Variants in MSRA observed in about 807,000 individuals in gnomAD.
The protein encoded by MSRA is methionine sulfoxide reductase A.
Under a neutral mutation model 31.3 loss-of-function variants are expected in MSRA, and 54 were observed. The ratio of observed to expected loss-of-function variants is 1.73; its 90% CI spans 1.39 to 2.17. The LOEUF is 2.17. Ranked by LOEUF, MSRA falls within the 30% of genes most tolerant of loss-of-function variation. MSRA has a pLI of 0.00. For synonymous variants in MSRA, 169 were observed against 116.5 expected, an observed-to-expected ratio of 1.45 and a Z score of -2.90; for missense variants, 507 against 300.9, an observed-to-expected ratio of 1.69 and a Z score of -5.07.
At position 10,207,815 on chromosome 8, in the gene MSRA, CT is replaced by C. The variant is rs77793822; in HGVS notation, c.143-5del. 0.098 allele frequency: 108,095 copies of C among 1,100,422 alleles called. 4 individuals carry two copies. Among genetic ancestry groups the C allele is most frequent in the South Asian group, 0.14 (8,646 of 62,712 alleles). The allele number at this position is 1,100,422 out of a possible 1,614,324, so 68.2% of individuals were successfully genotyped here. On this transcript the variant is annotated splice_polypyrimidine_tract_variant and intron_variant, in intron 1 of 5. Transcript: ENST00000317173. ...GAACTTTACACTTAAACTTGCATTT[CT>C]TTTTTTTTTTTTCTAGCCAAACATC... is the stretch of plus-strand genomic sequence containing the variant.
intron 2 of MSRA, among the ~76,000 whole-genome samples, chr8:10,213,862 T>A (rs962655112): frequency 6.6e-6 from 1 of 152,116 alleles, no homozygotes; most frequent in African/African-American, 2.4e-5. Context: ...GATTGCTGGA[T>A]CTGAAGGTGT....
chr8:10,345,548 G>A (rs144328069), intron 5 of MSRA, among the ~76,000 whole-genome samples: 299 of 152,244 alleles, frequency 2.0e-3, no homozygotes, highest in African/African-American at 6.6e-3. Context: ...AATCAAATAT[G>A]ATTGGAAGAA....
intron 5 of MSRA, among the ~76,000 whole-genome samples, chr8:10,402,224 A>G (rs960707114): frequency 6.6e-6 from 1 of 151,996 alleles, no homozygotes; most frequent in African/African-American, 2.4e-5. Context: ...CCACCTCTAA[A>G]CATTTGGCTA....
At chr8:10,338,725 G>T (rs1803219705) in intron 5 of MSRA, among the ~76,000 whole-genome samples, 3 of 152,208 alleles carry the variant, frequency 2.0e-5, no homozygotes, top group Non-Finnish European at 4.4e-5. Flanking sequence ...AATTCTCCAA[G>T]AAGTGCCACC....
chr8:10,153,101 A>G (rs1331514597), intron 1 of MSRA, among the ~76,000 whole-genome samples: 1 of 152,224 alleles, frequency 6.6e-6, no homozygotes, highest in African/African-American at 2.4e-5. Flanking sequence ...GTGTGAATGT[A>G]CTTACCACTA....
intron 5 of MSRA, among the ~76,000 whole-genome samples, chr8:10,418,267 G>T (rs570675186): frequency 3.9e-5 from 6 of 152,302 alleles, no homozygotes; most frequent in African/African-American, 1.4e-4. Context: ...GATGAGGTTT[G>T]AACTGCAGGT....
chr8:10,064,509 G>A (rs933548982), intron 1 of MSRA, among the ~76,000 whole-genome samples: 16 of 152,120 alleles, frequency 1.1e-4, no homozygotes, highest in Non-Finnish European at 2.2e-4. Flanking sequence ...ATGATACAGC[G>A]AAGGCTAGTA....
intron 3 of MSRA, among the ~76,000 whole-genome samples, chr8:10,259,292 G>A (rs557140375): frequency 6.6e-6 from 1 of 152,286 alleles, no homozygotes; most frequent in African/African-American, 2.4e-5. Context: ...TAAGTTTCTG[G>A]AGTGCCCCAG....
chr8:10,338,961 G>C (rs950830831), intron 5 of MSRA, among the ~76,000 whole-genome samples: 6 of 152,202 alleles, frequency 3.9e-5, no homozygotes, highest in African/African-American at 9.7e-5. Flanking sequence ...GGGTTGTGGG[G>C]AGCAAGTGCC....
At chr8:10,225,185 T>A (rs893422564) in intron 2 of MSRA, among the ~76,000 whole-genome samples, 1 of 152,176 alleles carries the variant, frequency 6.6e-6, no homozygotes, top group Non-Finnish European at 1.5e-5. Flanking sequence ...CCAACCTGTG[T>A]TGAGGCCTTG....
chr8:10,230,376 G>A (rs1811362123), intron 2 of MSRA, among the ~76,000 whole-genome samples: 3 of 152,220 alleles, frequency 2.0e-5, no homozygotes, highest in African/African-American at 7.2e-5. Context: ...AGATGGGGGT[G>A]TAGGAAGTGA....
At chr8:10,289,282 G>T (rs1563314016) in intron 3 of MSRA, among the ~76,000 whole-genome samples, 1 of 152,034 alleles carries the variant, frequency 6.6e-6, no homozygotes, top group East Asian at 1.9e-4. Flanking sequence ...CAGAGTGCTG[G>T]GATTACAGGC....
At chr8:10,257,323 A>G (rs2129090693) in intron 3 of MSRA, among the ~76,000 whole-genome samples, 1 of 152,262 alleles carries the variant, frequency 6.6e-6, no homozygotes, top group East Asian at 1.9e-4. Context: ...GGAACATTTG[A>G]CCTCAGAGAC....
At chr8:10,399,749 A>G (rs910406796) in intron 5 of MSRA, among the ~76,000 whole-genome samples, 19 of 152,144 alleles carry the variant, frequency 1.2e-4, no homozygotes, top group Non-Finnish European at 4.4e-5. Context: ...GTAGCGCTAC[A>G]TAGGAGGGTG....
chr8:10,253,499 A>G (rs1798022908), intron 3 of MSRA, among the ~76,000 whole-genome samples: 2 of 152,240 alleles, frequency 1.3e-5, no homozygotes, highest in South Asian at 4.1e-4. Context: ...TAGGGCATTT[A>G]AGTAGAAAAC....
At chr8:10,250,987 G>A (rs149111150) in intron 3 of MSRA, 1 of 152,604 alleles carries the variant, frequency 6.6e-6, no homozygotes, top group East Asian at 1.9e-4. Flanking sequence ...GAACATGATG[G>A]ATCATGAAGC....
intron 5 of MSRA, among the ~76,000 whole-genome samples, chr8:10,394,791 G>T (rs1174075396): frequency 6.6e-6 from 1 of 152,224 alleles, no homozygotes; most frequent in South Asian, 2.1e-4. Flanking sequence ...AAATGGGAAG[G>T]AGTTGGCTTG....
chr8:10,118,119 T>C (rs1396749041), intron 1 of MSRA, among the ~76,000 whole-genome samples: 2 of 152,240 alleles, frequency 1.3e-5, no homozygotes, highest in Non-Finnish European at 2.9e-5. Context: ...CTGATGGTGG[T>C]TGGCAGAGCT....
chr8:10,330,774 T>G (rs1328071848), intron 5 of MSRA, among the ~76,000 whole-genome samples: 2 of 151,482 alleles, frequency 1.3e-5, no homozygotes, highest in Non-Finnish European at 3.0e-5. Flanking sequence ...TGGTACCTAG[T>G]GATTGTCAAC....
Sources: gnomAD v4.1 joint callset for allele counts (sites outside exome capture counted in the v4.1 genomes callset) on GRCh38, gnomAD v4.1.1 for gene constraint, MANE v1.5 for transcripts, NCBI Gene and HGNC (gene_info 2026-07-23, HGNC 2026-07-21) for gene names.